The following EIF2AK4 variants were observed in gnomAD, a reference collection of about 807,000 sequenced individuals.
The protein encoded by EIF2AK4 is eIF-2-alpha kinase GCN2.
Under a neutral mutation model 211.1 loss-of-function variants are expected in EIF2AK4, and 139 were observed. That is an observed-to-expected ratio of 0.66 (90% CI 0.57 to 0.76). EIF2AK4 has a LOEUF of 0.76. Among genes scored for constraint, EIF2AK4 ranks in the 30% least tolerant of loss-of-function variants. The pLI is 0.00. For synonymous variants in EIF2AK4, 710 were observed against 751.3 expected (o/e 0.94, Z 0.90); for missense variants, 1,664 against 2,043.8 (o/e 0.81, Z 3.58).
intron 1 of EIF2AK4, among the ~76,000 whole-genome samples, 195 bp from the exon 2 acceptor site, chr15:39,939,310 A>G (rs2034111577): frequency 6.6e-6 from 1 of 152,220 alleles, no homozygotes; most frequent in Non-Finnish European, 1.5e-5. Flanking sequence ...TAACTTAAAA[A>G]AGGAAAGTGC....
Position 39,973,750 on chromosome 15 carries a change from G to A in EIF2AK4, c.1818+1G>A. ...AGGAGCTTTTGGAGCTGTCATCAAG[G>A]TGTGGTACAGAGTCATTCCCAGTCC... On this transcript the variant is annotated splice_donor_variant, in intron 11 of 38. Coordinates refer to ENST00000263791, the MANE Select transcript of EIF2AK4 (RefSeq NM_001013703.4). LOFTEE classifies it high-confidence loss of function. 6.2e-7 allele frequency: 1 copy of A among 1,614,088 alleles called. No individual in the cohort carries two copies. Among genetic ancestry groups the A allele is most frequent in the Non-Finnish European group, 8.5e-7 (1 of 1,179,950 alleles).
At chr15:40,005,391 G>A (rs866334943) in intron 23 of EIF2AK4, among the ~76,000 whole-genome samples, 5 of 151,740 alleles carry the variant, frequency 3.3e-5, no homozygotes, top group Admixed American at 6.6e-5. Context: ...TGTGTGTACA[G>A]GAGGCTGAGG....
At position 40,032,781 on chromosome 15, in the gene EIF2AK4, T is replaced by C; in HGVS notation, c.4753T>C (p.Leu1585=). ...LAVDLPKETI[L]QFLSLEWDAD... ...GGTGGATCTACCCAAAGAAACAATA[T>C]TACAGTTTTTATCATTAGAGGTAAG... The change falls in exon 37 of 39, where the codon TTA becomes CTA. Residue 1585 remains leucine, a synonymous_variant. Coordinates refer to ENST00000263791, the MANE Select transcript of EIF2AK4 (RefSeq NM_001013703.4). 6.2e-7 allele frequency: 1 copy of C among 1,613,566 alleles called. No homozygotes were observed. Among genetic ancestry groups the C allele is most frequent in the Non-Finnish European group, 8.5e-7 (1 of 1,179,808 alleles).
intron 14 of EIF2AK4, 113 bp from the exon 15 acceptor site, chr15:39,987,870 C>T (rs1207539921): frequency 8.3e-7 from 1 of 1,209,278 alleles, no homozygotes; most frequent in Non-Finnish European, 1.1e-6. Flanking sequence ...TTTCCCCTAA[C>T]CGTTTAAAAC....
rs1007006793 is a variant in EIF2AK4, at chr15:39,985,792, C to T, written c.2320-13C>T. The T allele has an allele frequency of 8.7e-6, 14 of 1,613,318 alleles. No homozygotes were observed. The highest frequency in any genetic ancestry group is 2.2e-5 in the East Asian group (1 of 44,884). ...CCTCCATTTTGAGTTATTGTGTGTT[C>T]GTCTTGGGTTAGGATGAAGATTGCA... On this transcript the variant is annotated splice_polypyrimidine_tract_variant and intron_variant, in intron 13 of 38. Transcript: ENST00000263791.
At chr15:40,011,131 T>A (rs919438831) in intron 26 of EIF2AK4, 150 bp from the exon 27 acceptor site, 16 of 527,726 alleles carry the variant, frequency 3.0e-5, no homozygotes, top group African/African-American at 1.2e-4. Flanking sequence ...GGAGAAAAAA[T>A]TTTTTAATCA....
intron 1 of EIF2AK4, among the ~76,000 whole-genome samples, chr15:39,935,365 G>T (rs1191338143): frequency 6.6e-6 from 1 of 150,626 alleles, no homozygotes; most frequent in Non-Finnish European, 1.5e-5. Flanking sequence ...TTGAGACAGG[G>T]TCTTGCTCTG....
At chr15:39,994,418 G>A (rs1020199139) in intron 18 of EIF2AK4, among the ~76,000 whole-genome samples, 2 of 152,076 alleles carry the variant, frequency 1.3e-5, no homozygotes, top group African/African-American at 4.8e-5. Context: ...AACCAGCCTG[G>A]GTAACATAGC....
chr15:39,949,017 G>A, intron 3 of EIF2AK4, 99 bp from the exon 4 acceptor site: 1 of 1,380,048 alleles, frequency 7.2e-7, no homozygotes, highest in Middle Eastern at 1.8e-4. Flanking sequence ...TTCTAAGTGG[G>A]CCTCTGACCG....
chr15:39,977,075 A>C, intron 12 of EIF2AK4: 1 of 430,020 alleles, frequency 2.3e-6, no homozygotes, highest in Non-Finnish European at 4.0e-6. Flanking sequence ...AATCCCCACC[A>C]AGTCCAAGCC....
intron 13 of EIF2AK4, among the ~76,000 whole-genome samples, chr15:39,985,081 A>G (rs2034846205): frequency 6.6e-6 from 1 of 152,200 alleles, no homozygotes; most frequent in Admixed American, 6.5e-5. Context: ...AATTTTATCA[A>G]AGGCCTTTTC....
At chr15:40,008,977 C>T (rs1001578712) in intron 25 of EIF2AK4, among the ~76,000 whole-genome samples, 6 of 152,162 alleles carry the variant, frequency 3.9e-5, no homozygotes, top group African/African-American at 1.4e-4. Context: ...CTGGCCTGTG[C>T]TTATGAGTCG....
In EIF2AK4 at chr15:39,956,001, TC is replaced by T. The variant is rs1431418350; in HGVS notation, c.743+236del. On this transcript the variant is annotated intron_variant, in intron 6 of 38. Coordinates refer to ENST00000263791, the MANE Select transcript of EIF2AK4 (RefSeq NM_001013703.4). ...TCATGAATCTAGTTTTGTTGCTCAT[TC>T]CCTTTTTTTTTTTTTTTTTTTGAGA... Among the ~76,000 whole-genome samples the T allele has an allele frequency of 2.2e-5, 3 of 136,572 alleles. No homozygotes were observed. In the South Asian group the frequency reaches 7.4e-4, roughly 34 times the overall value. The allele number at this position is 136,572 out of a possible 152,430, so 89.6% of individuals were successfully genotyped here. A position where few individuals can be genotyped will look rare whatever the true frequency, so the allele number is the denominator to read the frequency against.
In EIF2AK4 at chr15:40,009,722, G is replaced by C. The variant is rs773086005; in HGVS notation, c.3685G>C (p.Asp1229His). The C allele has an allele frequency of 6.3e-7, 1 of 1,579,464 alleles. No individual in the cohort carries two copies. The highest frequency in any genetic ancestry group is 1.1e-5 in the South Asian group (1 of 87,622). Residue 1229 changes from aspartate to histidine, a missense_variant, in exon 26 of 39, where the codon GAT becomes CAT. Physicochemically the swap from Asp to His is moderately conservative, Grantham distance 81. Around this residue, in one of 7 missense-constraint regions of EIF2AK4, gnomAD observed 622 missense variants for 796.8 expected, o/e 0.78. Coordinates refer to ENST00000263791, the MANE Select transcript of EIF2AK4 (RefSeq NM_001013703.4). Reference protein sequence around the residue: ...KLSQVYIILYDAVTEKLTRRE... With the variant: ...KLSQVYIILYHAVTEKLTRRE... The stretch of plus-strand genomic sequence containing the variant: ...CAGTCAAGTCTACATTATTCTGTAT[G>C]ATGCTGTGGTAAGCATTTAATTACT...
intron 20 of EIF2AK4, among the ~76,000 whole-genome samples, chr15:40,000,533 C>G (rs2035076137): frequency 6.6e-6 from 1 of 152,094 alleles, no homozygotes; most frequent in Non-Finnish European, 1.5e-5. Context: ...GGTATCAATG[C>G]AAATAACATA....
intron 27 of EIF2AK4, among the ~76,000 whole-genome samples, chr15:40,015,848 C>T (rs1443132304): frequency 1.3e-5 from 2 of 152,158 alleles, no homozygotes; most frequent in Non-Finnish European, 2.9e-5. Context: ...TTCTTTCTGG[C>T]TTTATGACTA....
At chr15:39,935,321 G>GTTCTAAC (rs1222187551) in intron 1 of EIF2AK4, among the ~76,000 whole-genome samples, 2 of 151,178 alleles carry the variant, frequency 1.3e-5, no homozygotes, top group African/African-American at 4.9e-5. Flanking sequence ...TTAAAACATA[G>GTTCTAAC]TTCTAACTTC....
chr15:39,951,700 A>G lies in EIF2AK4; in HGVS notation c.514-2204A>G, dbSNP rs1386120106. The G allele has an allele frequency of 3.1e-5, 6 of 192,694 alleles. No homozygotes were observed. The South Asian group carries it at 5.0e-4, about 16-fold the overall frequency. 11.9% of individuals were successfully genotyped at this position (192,694 alleles called of 1,614,324 possible). A position where few individuals can be genotyped will look rare whatever the true frequency, so the allele number is the denominator to read the frequency against. ...CTCCAGTAGAAGGTGCAGTCTTGCAAGCGGCTTTCTGTAGCCAGTGGCTTC... is the reference window on the plus strand; with the variant it reads ...CTCCAGTAGAAGGTGCAGTCTTGCAGGCGGCTTTCTGTAGCCAGTGGCTTC... On this transcript the variant is annotated intron_variant, in intron 4 of 38. Transcript: ENST00000263791.
chr15:39,955,887 AC>A, intron 6 of EIF2AK4, 119 bp downstream of exon 6: 1 of 1,052,048 alleles, frequency 9.5e-7, no homozygotes, highest in Non-Finnish European at 1.3e-6. Context: ...CTTTTTTCAA[AC>A]CTTATATATC....
Sources: gnomAD v4.1 joint callset for allele counts (sites outside exome capture counted in the v4.1 genomes callset) on GRCh38, gnomAD v4.1.1 for gene constraint, gnomAD v4.1.1 regional missense constraint, MANE v1.5 for transcripts, NCBI Gene and HGNC (gene_info 2026-07-23, HGNC 2026-07-21) for gene names.